LRBA: variants seen among roughly 807,000 people sequenced by gnomAD.
LRBA encodes lipopolysaccharide-responsive and beige-like anchor protein.
In LRBA, 176 loss-of-function variants were observed where a neutral mutation model predicts 330.0. The observed-to-expected ratio is 0.53, with a 90% confidence interval of 0.47 to 0.60. The LOEUF (loss-of-function observed/expected upper bound fraction) is 0.60. Ranked by LOEUF, LRBA falls within the 20% of genes least tolerant of loss-of-function variation. LRBA has a pLI of 0.00. For missense variants in LRBA, 3,259 were observed against 3,444.8 expected, an observed-to-expected ratio of 0.95 and a Z score of 1.35; for synonymous variants, 1,230 against 1,193.0, an observed-to-expected ratio of 1.03 and a Z score of -0.64.
chr4:150,685,558 C>T (rs1354785629), intron 36 of LRBA, among the ~76,000 whole-genome samples: 6 of 147,686 alleles, frequency 4.1e-5, no homozygotes, highest in African/African-American at 1.5e-4. Context: ...CTCGACCTCC[C>T]GAGTAGCTGG....
chr4:150,392,560 G>A (rs1398250802), intron 47 of LRBA, among the ~76,000 whole-genome samples: 2 of 151,976 alleles, frequency 1.3e-5, no homozygotes, highest in Non-Finnish European at 2.9e-5. Flanking sequence ...ATAAATTTTG[G>A]GAGATTGCTA....
intron 35 of LRBA, among the ~76,000 whole-genome samples, chr4:150,739,060 A>G (rs1332519949): frequency 6.6e-6 from 1 of 152,168 alleles, no homozygotes; most frequent in Non-Finnish European, 1.5e-5. Context: ...GTATAATTTC[A>G]GAAAACATGA....
chr4:150,932,065 A>G (rs754298426), intron 2 of LRBA, among the ~76,000 whole-genome samples: 4 of 152,190 alleles, frequency 2.6e-5, no homozygotes, highest in Non-Finnish European at 5.9e-5. Flanking sequence ...ACAGAGCAGG[A>G]CATGTCTCTA....
intron 34 of LRBA, among the ~76,000 whole-genome samples, chr4:150,795,942 A>G (rs1283611944): frequency 6.6e-6 from 1 of 152,038 alleles, no homozygotes; most frequent in African/African-American, 2.4e-5. Context: ...TCATGAAATT[A>G]ACACCAACTA....
chr4:150,917,687 G>A (rs1732787906), intron 5 of LRBA, among the ~76,000 whole-genome samples: 1 of 152,154 alleles, frequency 6.6e-6, no homozygotes, highest in Non-Finnish European at 1.5e-5. Context: ...AGCACTTTGG[G>A]AGGCCAAGGC....
intron 37 of LRBA, among the ~76,000 whole-genome samples, chr4:150,641,233 C>A (rs1359637641): frequency 6.6e-6 from 1 of 152,134 alleles, no homozygotes; most frequent in African/African-American, 2.4e-5. Context: ...TCCCATGAAT[C>A]CTCAATATCC....
intron 35 of LRBA, among the ~76,000 whole-genome samples, chr4:150,758,568 T>C (rs982968035): frequency 2.3e-5 from 3 of 131,162 alleles, no homozygotes; most frequent in African/African-American, 7.8e-5. Flanking sequence ...ATTGATCTCT[T>C]TGTCTTTTTT....
chr4:150,843,451 T>C (rs1749398422), intron 28 of LRBA, among the ~76,000 whole-genome samples: 1 of 152,236 alleles, frequency 6.6e-6, no homozygotes, highest in South Asian at 2.1e-4. Context: ...TTATACTTTC[T>C]ATATGACTTT....
chr4:150,838,094 T>A (rs550763887), intron 28 of LRBA, among the ~76,000 whole-genome samples: 5 of 152,186 alleles, frequency 3.3e-5, no homozygotes, highest in Non-Finnish European at 7.3e-5. Flanking sequence ...AAAATTCGTT[T>A]CTTTAAGAAT....
chr4:150,481,684 G>A (rs888128796), intron 42 of LRBA, among the ~76,000 whole-genome samples: 7 of 151,992 alleles, frequency 4.6e-5, no homozygotes, highest in African/African-American at 9.7e-5. Context: ...TATGGAGCCC[G>A]TAATGTTTAA....
At chr4:150,546,551 G>A (rs982565444) in intron 40 of LRBA, among the ~76,000 whole-genome samples, 12 of 152,112 alleles carry the variant, frequency 7.9e-5, no homozygotes, top group African/African-American at 2.4e-4. Flanking sequence ...TACCCTTTAG[G>A]CCTCACTCAA....
At chr4:150,559,024 C>T (rs1401649351) in intron 40 of LRBA, among the ~76,000 whole-genome samples, 1 of 152,098 alleles carries the variant, frequency 6.6e-6, no homozygotes, top group Non-Finnish European at 1.5e-5. Flanking sequence ...CATCCTGTGC[C>T]TCTGTAAGTG....
At chr4:150,340,050 C>T (rs1175187786) in intron 48 of LRBA, among the ~76,000 whole-genome samples, 1 of 152,038 alleles carries the variant, frequency 6.6e-6, no homozygotes, top group East Asian at 1.9e-4. Context: ...CATCCTCCTT[C>T]GCTCAGCTCT....
chr4:150,340,647 C>T (rs1581058144), intron 48 of LRBA, among the ~76,000 whole-genome samples: 2 of 152,298 alleles, frequency 1.3e-5, no homozygotes, highest in South Asian at 4.1e-4. Flanking sequence ...AAGTGCTTTT[C>T]ATATGTGACT....
chr4:150,923,135 A>C (rs578161076), intron 4 of LRBA, among the ~76,000 whole-genome samples: 5 of 151,382 alleles, frequency 3.3e-5, no homozygotes, highest in African/African-American at 1.2e-4. Flanking sequence ...GCCCCATCCT[A>C]AGTGAAGGAG....
chr4:150,624,542 C>T (rs1172031334), intron 37 of LRBA, among the ~76,000 whole-genome samples: 2 of 151,938 alleles, frequency 1.3e-5, no homozygotes, highest in African/African-American at 2.4e-5. Context: ...TAAAGTTATC[C>T]AAAGAGAAGA....
intron 2 of LRBA, among the ~76,000 whole-genome samples, chr4:151,011,597 CAA>C (rs77338885): frequency 4.1e-4 from 37 of 90,512 alleles, no homozygotes; most frequent in Admixed American, 6.2e-4. Context: ...GACTCTATCT[CAA>C]AAAAAAAAAA....
At chr4:150,470,246 C>T (rs910670145) in intron 43 of LRBA, among the ~76,000 whole-genome samples, 9 of 152,176 alleles carry the variant, frequency 5.9e-5, no homozygotes, top group Non-Finnish European at 1.2e-4. Flanking sequence ...ACCATTCATT[C>T]TGAAGTCTCC....
Position 150,915,674 on chromosome 4 carries a change from A to T in LRBA, c.948T>A (p.Leu316=). 6.2e-7 allele frequency: 1 copy of T among 1,612,890 alleles called. No homozygotes were observed. Among genetic ancestry groups the T allele is most frequent in the Non-Finnish European group, 8.5e-7 (1 of 1,179,146 alleles). ...CCAGCTCACCATTCACATAACATCG[A>T]AGTTCACTATTCTTCCATCGGTTAT... ...HIYNRWKNSE[L]RCYVNGELAS... Residue 316 remains leucine, a synonymous_variant, in exon 8 of 57, where the codon CTT becomes CTA. Coordinates refer to ENST00000651943, the MANE Select transcript of LRBA (RefSeq NM_001364905.1).
Sources: allele counts gnomAD v4.1 joint callset (sites outside exome capture counted in the v4.1 genomes callset), GRCh38; gene constraint gnomAD v4.1.1; transcripts MANE v1.5; gene names NCBI Gene and HGNC (gene_info 2026-07-23, HGNC 2026-07-21).